The following IMMP2L variants were observed in gnomAD, a reference collection of about 807,000 sequenced individuals.
IMMP2L encodes mitochondrial inner membrane protease subunit 2.
A neutral mutation model predicts 19.3 loss-of-function variants in IMMP2L; 18 were observed. That is an observed-to-expected ratio of 0.93 (90% confidence interval 0.64 to 1.38). The LOEUF is 1.38. Among genes scored for constraint, IMMP2L ranks in the 40% most tolerant of loss-of-function variants. IMMP2L has a pLI of 0.00. For missense variants in IMMP2L, 233 were observed against 218.2 expected (o/e 1.07, Z -0.43); for synonymous variants, 76 against 73.0 (o/e 1.04, Z -0.21).
chr7:111,168,473 C>T (rs1265950219), intron 3 of IMMP2L, among the ~76,000 whole-genome samples: 1 of 151,828 alleles, frequency 6.6e-6, no homozygotes, highest in Admixed American at 6.6e-5. Context: ...TTTAAACCAG[C>T]ACATCATTAA....
At chr7:111,258,097 A>C (rs978803087) in intron 3 of IMMP2L, among the ~76,000 whole-genome samples, 6 of 152,148 alleles carry the variant, frequency 3.9e-5, no homozygotes, top group African/African-American at 1.4e-4. Flanking sequence ...TAGCACAATG[A>C]TATGTAATTA....
chr7:111,017,466 G>A (rs191268302), intron 3 of IMMP2L, among the ~76,000 whole-genome samples: 6 of 152,220 alleles, frequency 3.9e-5, no homozygotes, highest in South Asian at 4.1e-4. Context: ...GGAGGGTAAT[G>A]TATACTGTAC....
At chr7:110,969,453 T>G (rs750955819) in intron 3 of IMMP2L, among the ~76,000 whole-genome samples, 4 of 152,096 alleles carry the variant, frequency 2.6e-5, no homozygotes, top group Non-Finnish European at 5.9e-5. Flanking sequence ...CAGAAAATGA[T>G]ATATGTATAT....
At chr7:110,792,061 A>G (rs1056224153) in intron 5 of IMMP2L, among the ~76,000 whole-genome samples, 2 of 151,840 alleles carry the variant, frequency 1.3e-5, no homozygotes, top group Non-Finnish European at 2.9e-5. Context: ...CTACAGTCAG[A>G]GAACTGGATT....
intron 3 of IMMP2L, among the ~76,000 whole-genome samples, chr7:111,078,095 C>T (rs188699455): frequency 6.6e-6 from 1 of 152,166 alleles, no homozygotes; most frequent in Non-Finnish European, 1.5e-5. Context: ...TATTTACTTG[C>T]ACGTTTATCG....
intron 3 of IMMP2L, among the ~76,000 whole-genome samples, chr7:111,005,363 T>C (rs1040316077): frequency 1.3e-5 from 2 of 152,188 alleles, no homozygotes; most frequent in African/African-American, 4.8e-5. Flanking sequence ...TATTGTTACA[T>C]AAAGTAGCTC....
chr7:110,857,672 C>T (rs1806937336), intron 5 of IMMP2L, among the ~76,000 whole-genome samples: 2 of 152,006 alleles, frequency 1.3e-5, no homozygotes, highest in East Asian at 3.9e-4. Context: ...TCAAATACCA[C>T]TTTAAGGGAT....
chr7:111,409,876 AG>A (rs1431199536), intron 3 of IMMP2L, among the ~76,000 whole-genome samples: 2 of 151,786 alleles, frequency 1.3e-5, no homozygotes, highest in African/African-American at 2.4e-5. Flanking sequence ...GAAACAAATC[AG>A]GTGATATCTA....
intron 4 of IMMP2L, among the ~76,000 whole-genome samples, chr7:110,943,715 G>C (rs973320448): frequency 3.9e-5 from 6 of 151,954 alleles, no homozygotes; most frequent in African/African-American, 1.4e-4. Flanking sequence ...ATTGAGATGT[G>C]GGGGTAGGGT....
intron 3 of IMMP2L, among the ~76,000 whole-genome samples, chr7:110,980,076 C>A (rs1332961127): frequency 6.6e-6 from 1 of 151,948 alleles, no homozygotes; most frequent in Non-Finnish European, 1.5e-5. Flanking sequence ...CTCATCTGTA[C>A]AATAAAAAGC....
chr7:111,500,481 G>C (rs1273219782), intron 2 of IMMP2L, among the ~76,000 whole-genome samples: 1 of 152,186 alleles, frequency 6.6e-6, no homozygotes, highest in African/African-American at 2.4e-5. Context: ...CACACAGCTG[G>C]AGATCTGAGA....
At position 111,249,445 on chromosome 7, in the gene IMMP2L, G is replaced by A. The variant is rs987626608; in HGVS notation, c.239+237793C>T. ...TGGCACTCCCTAGTGAGATGAACCC[G>A]GTACCTCAGATGGAAATGCAGAAAT... On this transcript the variant is annotated intron_variant, in intron 3 of 5. Transcript: ENST00000405709. 3.3e-5 allele frequency among the ~76,000 whole-genome samples: 5 copies of A among 149,294 alleles called. No individual in the cohort carries two copies. In the East Asian group the frequency reaches 6.0e-4, roughly 18 times the overall value.
intron 3 of IMMP2L, among the ~76,000 whole-genome samples, chr7:111,413,465 T>C (rs768558038): frequency 1.3e-5 from 2 of 151,880 alleles, no homozygotes; most frequent in Non-Finnish European, 2.9e-5. Context: ...TAACAAAATA[T>C]TACCAAATCA....
At chr7:111,529,585 TAAGA>T (rs1454681317) in intron 1 of IMMP2L, among the ~76,000 whole-genome samples, 3 of 151,656 alleles carry the variant, frequency 2.0e-5, no homozygotes, top group Non-Finnish European at 4.4e-5. Context: ...AAAAAAGAAA[TAAGA>T]AAGAAAGAGG....
chr7:111,294,887 C>T (rs1487571076), intron 3 of IMMP2L, among the ~76,000 whole-genome samples: 6 of 151,778 alleles, frequency 4.0e-5, no homozygotes, highest in East Asian at 1.9e-4. Context: ...GTATTTCTTA[C>T]CCCAGCTAAG....
At chr7:110,930,419 T>A (rs984103101) in intron 4 of IMMP2L, among the ~76,000 whole-genome samples, 1 of 152,016 alleles carries the variant, frequency 6.6e-6, no homozygotes, top group Non-Finnish European at 1.5e-5. Context: ...ATGATAGTGA[T>A]ATAGGAAGGA....
At chr7:111,005,173 A>G (rs575393339) in intron 3 of IMMP2L, among the ~76,000 whole-genome samples, 1 of 152,166 alleles carries the variant, frequency 6.6e-6, no homozygotes, top group Non-Finnish European at 1.5e-5. Context: ...GGTTTCCAAG[A>G]TGGTGGTTCG....
chr7:111,122,199 G>A (rs1234132753), intron 3 of IMMP2L, among the ~76,000 whole-genome samples: 2 of 151,026 alleles, frequency 1.3e-5, no homozygotes, highest in Non-Finnish European at 2.9e-5. Context: ...TTGTGCACAT[G>A]TACCCTAAAA....
At position 111,123,999 on chromosome 7, in the gene IMMP2L, A is replaced by G; in HGVS notation, c.240-160434T>C. The G allele has an allele frequency of 6.2e-7, 1 of 1,614,082 alleles. No individual in the cohort carries two copies. The highest frequency in any genetic ancestry group is 2.2e-5 in the East Asian group (1 of 44,878). Reference sequence around the variant, plus strand: ...AATTCCAAGGTCAGAATGTTCGGCAAGTGCATTTCAGGGACATGATGGAAA... The same window carrying G: ...AATTCCAAGGTCAGAATGTTCGGCAGGTGCATTTCAGGGACATGATGGAAA... On this transcript the variant is annotated intron_variant, in intron 3 of 5. Transcript: ENST00000405709. This position sits in a 1 kb window ranked among gnomAD's most constrained non-coding sequence, Gnocchi z 6.4.
Sources: allele counts gnomAD v4.1 joint callset (sites outside exome capture counted in the v4.1 genomes callset), GRCh38; gene constraint gnomAD v4.1.1; non-coding constraint Gnocchi (gnomAD v3.1); transcripts MANE v1.5; gene names NCBI Gene and HGNC (gene_info 2026-07-23, HGNC 2026-07-21).